The following RALGAPA1 variants were observed in gnomAD, a reference collection of about 807,000 sequenced individuals.
RALGAPA1 encodes ral GTPase-activating protein subunit alpha-1.
In RALGAPA1, 52 loss-of-function variants were observed where a neutral mutation model predicts 269.6. That is an observed-to-expected ratio of 0.19 (90% confidence interval 0.15 to 0.24). The LOEUF is 0.24. Ranked by LOEUF, RALGAPA1 falls within the 10% of genes least tolerant of loss-of-function variation. The pLI is 1.00. For missense variants in RALGAPA1, 1,917 were observed against 3,013.9 expected (o/e 0.64, Z 8.52); for synonymous variants, 817 against 1,008.3 (o/e 0.81, Z 3.60).
chr14:35,700,381 G>A, intron 16 of RALGAPA1, 79 bp from the exon 17 acceptor site: 1 of 1,183,308 alleles, frequency 8.5e-7, no homozygotes, highest in Non-Finnish European at 1.1e-6. Flanking sequence ...CACAGAAAAA[G>A]CAGCAACAGA....
chr14:35,680,477 T>C (rs144431064), intron 21 of RALGAPA1, among the ~76,000 whole-genome samples: 6,160 of 152,260 alleles, frequency 0.04, 362 homozygotes, highest in African/African-American at 0.12. Flanking sequence ...CCCAAAGTAC[T>C]GGGATTACAG....
intron 41 of RALGAPA1, among the ~76,000 whole-genome samples, chr14:35,546,345 A>C (rs1475055476): frequency 1.3e-5 from 2 of 152,062 alleles, no homozygotes; most frequent in African/African-American, 4.8e-5. Context: ...AGAAATCTTA[A>C]AAAAATAATG....
chr14:35,755,570 T>TTA (rs397687878), intron 7 of RALGAPA1, among the ~76,000 whole-genome samples: 2 of 151,930 alleles, frequency 1.3e-5, no homozygotes, highest in African/African-American at 4.8e-5. Context: ...AAAGTATTTT[T>TTA]AAAGAAAAAT....
intron 1 of RALGAPA1, among the ~76,000 whole-genome samples, chr14:35,778,638 T>G (rs1464596821): frequency 1.3e-5 from 2 of 152,184 alleles, no homozygotes; most frequent in East Asian, 3.9e-4. Flanking sequence ...AATTAATTAT[T>G]TTTACTTCAT....
intron 17 of RALGAPA1, among the ~76,000 whole-genome samples, chr14:35,690,300 T>C (rs1360525400): frequency 6.6e-6 from 1 of 152,168 alleles, no homozygotes. Context: ...GATAGAGCTG[T>C]GCCAATAAAT....
chr14:35,627,859 C>T lies in RALGAPA1; in HGVS notation c.6088G>A (p.Gly2030Ser), dbSNP rs764508106. ...VNHLGHYPMS[G>S]GPAMLTSQVC... ...TGACTTGTTAGCATAGCAGGACCAC[C>T]GCTCATTGGATAATGGCCCAGGTGA... is the stretch of plus-strand genomic sequence containing the variant. Residue 2030 changes from glycine to serine, a missense_variant, in exon 34 of 42, where the codon GGT becomes AGT. Physicochemically the swap from Gly to Ser is moderately conservative, Grantham distance 56. Coordinates refer to ENST00000680220, the MANE Select transcript of RALGAPA1 (RefSeq NM_001346249.2). 1.3e-5 allele frequency: 21 copies of T among 1,585,210 alleles called. No homozygotes were observed. The highest frequency in any genetic ancestry group is 4.5e-5 in the East Asian group (2 of 44,700).
intron 37 of RALGAPA1, among the ~76,000 whole-genome samples, chr14:35,577,069 G>A (rs2057613126): frequency 6.6e-6 from 1 of 152,094 alleles, no homozygotes; most frequent in Admixed American, 6.6e-5. Flanking sequence ...ATTTGTTATG[G>A]TGAACTCATG....
At chr14:35,632,865 T>A (rs1032083072) in intron 33 of RALGAPA1, among the ~76,000 whole-genome samples, 1 of 152,144 alleles carries the variant, frequency 6.6e-6, no homozygotes, top group Middle Eastern at 3.2e-3. Context: ...CAATGATCAC[T>A]CATTTTCACC....
intron 16 of RALGAPA1, among the ~76,000 whole-genome samples, chr14:35,710,266 CT>C (rs1226427856): frequency 1.3e-5 from 2 of 151,578 alleles, no homozygotes; most frequent in African/African-American, 2.4e-5. Context: ...AATTAATCAT[CT>C]TTTTTTTTCT....
intron 8 of RALGAPA1, 55 bp downstream of exon 8, chr14:35,751,969 A>G: frequency 6.5e-7 from 1 of 1,529,564 alleles, no homozygotes; most frequent in Non-Finnish European, 8.8e-7. Flanking sequence ...CTTTACAGTA[A>G]GAGATTATTT....
At chr14:35,548,945 A>C (rs1308145063) in intron 40 of RALGAPA1, among the ~76,000 whole-genome samples, 165 bp downstream of exon 40, 1 of 152,188 alleles carries the variant, frequency 6.6e-6, no homozygotes, top group Non-Finnish European at 1.5e-5. Flanking sequence ...GCATTTAGGT[A>C]AAAGAAACCA....
chr14:35,745,922 T>C (rs1312305518), intron 10 of RALGAPA1, among the ~76,000 whole-genome samples: 2 of 151,866 alleles, frequency 1.3e-5, no homozygotes. Context: ...AACCCCTCTC[T>C]ACAAAATAAC....
intron 31 of RALGAPA1, among the ~76,000 whole-genome samples, chr14:35,645,199 T>C (rs2139899801): frequency 6.6e-6 from 1 of 152,278 alleles, no homozygotes; most frequent in Middle Eastern, 3.4e-3. Context: ...ATAAGGGCAC[T>C]AATCCCATTG....
intron 36 of RALGAPA1, among the ~76,000 whole-genome samples, chr14:35,598,775 T>C (rs1000654432): frequency 6.6e-6 from 1 of 152,224 alleles, no homozygotes; most frequent in Admixed American, 6.5e-5. Context: ...TGGGTCATAT[T>C]TTTTAATCCA....
chr14:35,703,081 C>T (rs761254121), intron 16 of RALGAPA1, among the ~76,000 whole-genome samples: 5 of 152,100 alleles, frequency 3.3e-5, no homozygotes, highest in Non-Finnish European at 7.4e-5. Flanking sequence ...TCTTTCCCAA[C>T]ACAGACTTGA....
rs1041196372 is a variant in RALGAPA1, at chr14:35,667,312, C to T, written c.5203-2545G>A. On this transcript the variant is annotated intron_variant, in intron 26 of 41. Coordinates refer to ENST00000680220, the MANE Select transcript of RALGAPA1 (RefSeq NM_001346249.2). Reference sequence around the variant, plus strand: ...ACTCGGGAGGCTGAGGCAGGAGAATCGCTTGAACCCGGGAGGCGGAAGTTA... The same window carrying T: ...ACTCGGGAGGCTGAGGCAGGAGAATTGCTTGAACCCGGGAGGCGGAAGTTA... 8.5e-5 allele frequency among the ~76,000 whole-genome samples: 13 copies of T among 152,206 alleles called. No individual in the cohort carries two copies. In the South Asian group the frequency reaches 1.2e-3, roughly 15 times the overall value.
chr14:35,652,234 AGGCTGGGCACGGT>A (rs371508665), intron 30 of RALGAPA1, among the ~76,000 whole-genome samples: 2 of 152,152 alleles, frequency 1.3e-5, no homozygotes, highest in East Asian at 3.9e-4. Context: ...AAACCATCAT[AGGCTGGGCACGGT>A]GGCTCAAACC....
At chr14:35,580,977 GA>G (rs2057911561) in intron 37 of RALGAPA1, among the ~76,000 whole-genome samples, 1 of 151,708 alleles carries the variant, frequency 6.6e-6, no homozygotes, top group Admixed American at 6.6e-5. Flanking sequence ...CACACCTAAA[GA>G]TATATGTACA....
At chr14:35,728,119 G>A (rs994931806) in intron 13 of RALGAPA1, among the ~76,000 whole-genome samples, 2 of 152,172 alleles carry the variant, frequency 1.3e-5, no homozygotes, top group African/African-American at 2.4e-5. Flanking sequence ...GGGTTGAGGA[G>A]GATGAGGCCA....
Sources: gnomAD v4.1 joint callset for allele counts (sites outside exome capture counted in the v4.1 genomes callset) on GRCh38, gnomAD v4.1.1 for gene constraint, MANE v1.5 for transcripts, NCBI Gene and HGNC (gene_info 2026-07-23, HGNC 2026-07-21) for gene names.